Variants in RHEB observed in about 807,000 individuals in gnomAD.
RHEB encodes GTP-binding protein Rheb.
In RHEB, 2 loss-of-function variants were observed where a neutral mutation model predicts 28.8. The observed-to-expected ratio is 0.07, with a 90% CI of 0.03 to 0.22. The LOEUF is 0.22. RHEB is among the 10% of genes least tolerant of loss of function. The pLI is 1.00. For missense variants in RHEB, 76 were observed against 219.9 expected, an observed-to-expected ratio of 0.35 and a Z score of 4.14; for synonymous variants, 69 against 77.3, an observed-to-expected ratio of 0.89 and a Z score of 0.56.
Position 151,503,516 on chromosome 7 carries a change from T to C in RHEB, c.53-12502A>G, listed in dbSNP as rs2150935267. 2.5e-6 allele frequency: 2 copies of C among 785,340 alleles called. 1 individual carries two copies. The highest frequency in any genetic ancestry group is 4.3e-6 in the Non-Finnish European group (2 of 462,740). The allele number at this position is 785,340 out of a possible 1,614,324, so 48.6% of individuals were successfully genotyped here. ...CCTCCAGCATCCAACCCAAGAAGCA[T>C]ACCCATGGTGGAATTCTAACAGATC... On this transcript the variant is annotated intron_variant, in intron 1 of 7. Coordinates refer to ENST00000262187, the MANE Select transcript of RHEB (RefSeq NM_005614.4).
chr7:151,503,870 T>G (rs183813609), intron 1 of RHEB, among the ~76,000 whole-genome samples: 47 of 152,374 alleles, frequency 3.1e-4, no homozygotes, highest in Admixed American at 3.0e-3. Context: ...GTTTTTTTCT[T>G]ATTTTGATTG....
chr7:151,499,861 T>C (rs73478511), intron 1 of RHEB, among the ~76,000 whole-genome samples: 1,678 of 152,248 alleles, frequency 0.011, 31 homozygotes, highest in African/African-American at 0.038. Flanking sequence ...CAGGCTGGAG[T>C]GCAGTAGAGC....
chr7:151,477,464 A>G (rs756029625), intron 3 of RHEB, 49 bp from the exon 4 acceptor site: 2 of 1,099,756 alleles, frequency 1.8e-6, no homozygotes, highest in Admixed American at 2.3e-5. Context: ...TAGCATCACA[A>G]ACAAACTTTA....
At chr7:151,494,731 AACT>A (rs1802645300) in intron 1 of RHEB, among the ~76,000 whole-genome samples, 1 of 152,172 alleles carries the variant, frequency 6.6e-6, no homozygotes, top group South Asian at 2.1e-4. Flanking sequence ...ACTGGAGAAA[AACT>A]ACGTTTCCCT....
chr7:151,503,386 A>T (rs1802807925), intron 1 of RHEB: 1 of 1,043,248 alleles, frequency 9.6e-7, no homozygotes, highest in Non-Finnish European at 1.5e-6. Context: ...AATTGGAGGT[A>T]TCCTGCAGTA....
intron 1 of RHEB, among the ~76,000 whole-genome samples, chr7:151,504,096 T>G (rs957846324): frequency 6.6e-6 from 1 of 152,220 alleles, no homozygotes; most frequent in African/African-American, 2.4e-5. Context: ...GCAAACTGCA[T>G]TGCAAAATCA....
At chr7:151,478,160 G>A (rs1399734390) in intron 3 of RHEB, among the ~76,000 whole-genome samples, 1 of 152,148 alleles carries the variant, frequency 6.6e-6, no homozygotes, top group African/African-American at 2.4e-5. Context: ...AAGTTCTGAT[G>A]TCAGTGCAGT....
At chr7:151,489,174 C>A (rs1216262968) in intron 2 of RHEB, among the ~76,000 whole-genome samples, 1 of 152,220 alleles carries the variant, frequency 6.6e-6, no homozygotes, top group Non-Finnish European at 1.5e-5. Context: ...AGAAAACAAT[C>A]TTCTATTGTT....
In RHEB at chr7:151,477,084, T is replaced by A. The variant is rs114100947; in HGVS notation, c.275+249A>T. 4.7e-3 allele frequency among the ~76,000 whole-genome samples: 709 copies of A among 152,234 alleles called. 4 individuals are homozygous for A. The highest frequency in any genetic ancestry group is 0.016 in the African/African-American group (672 of 41,514). On this transcript the variant is annotated intron_variant, in intron 4 of 7. Transcript: ENST00000262187. Reference sequence around the variant, plus strand: ...ATTTCAATTAGCAGAAAAGCTTAGATCATGCTGAACCACTGTTTTTCTAGG... The same window carrying A: ...ATTTCAATTAGCAGAAAAGCTTAGAACATGCTGAACCACTGTTTTTCTAGG...
At chr7:151,503,122 C>T (rs917363816) in intron 1 of RHEB, 3 of 810,892 alleles carry the variant, frequency 3.7e-6, no homozygotes, top group Non-Finnish European at 6.7e-6. Context: ...TTCTAATGGT[C>T]TATGAAAATC....
At chr7:151,469,038 T>A in intron 7 of RHEB, among the ~76,000 whole-genome samples, 1 of 152,256 alleles carries the variant, frequency 6.6e-6, no homozygotes, top group African/African-American at 2.4e-5. Flanking sequence ...TTAATTCAAT[T>A]TTTAAAATAT....
intron 4 of RHEB, among the ~76,000 whole-genome samples, chr7:151,474,837 G>A (rs1802244937): frequency 6.6e-6 from 1 of 152,146 alleles, no homozygotes; most frequent in African/African-American, 2.4e-5. Flanking sequence ...AGACAATTCT[G>A]ATCAACAAAC....
At chr7:151,515,618 G>T (rs1259117207) in intron 1 of RHEB, among the ~76,000 whole-genome samples, 1 of 152,072 alleles carries the variant, frequency 6.6e-6, no homozygotes, top group Admixed American at 6.6e-5. Flanking sequence ...TTCACATACT[G>T]GTAGATGTCA....
At chr7:151,500,358 C>A (rs1220914810) in intron 1 of RHEB, among the ~76,000 whole-genome samples, 2 of 152,022 alleles carry the variant, frequency 1.3e-5, no homozygotes, top group Admixed American at 1.3e-4. Flanking sequence ...AAAGTATGTA[C>A]CTGGTTTCAA....
chr7:151,496,983 G>T (rs1271481852), intron 1 of RHEB, among the ~76,000 whole-genome samples: 4 of 150,048 alleles, frequency 2.7e-5, no homozygotes, highest in African/African-American at 9.9e-5. Flanking sequence ...TAGAGATGGG[G>T]TTTCACTGTG....
rs2150941290 is a variant in RHEB at position 151,516,696 on chromosome 7, A to T, written c.52+2764T>A. Among the ~76,000 whole-genome samples the T allele has an allele frequency of 2.0e-5, 3 of 152,178 alleles. 1 individual carries two copies. The Middle Eastern group carries it at 0.01, about 518-fold the overall frequency. ...GCACTTTTTTGTTTTATCTGAAGAC[A>T]ACTTTAAAAATAAAGTTTGTGGCAT... On this transcript the variant is annotated intron_variant, in intron 1 of 7. Coordinates refer to ENST00000262187, the MANE Select transcript of RHEB (RefSeq NM_005614.4).
At chr7:151,494,395 A>G (rs1802640185) in intron 1 of RHEB, among the ~76,000 whole-genome samples, 1 of 152,240 alleles carries the variant, frequency 6.6e-6, no homozygotes, top group Non-Finnish European at 1.5e-5. Flanking sequence ...CCACATTTGA[A>G]CAGAAAAGAA....
At chr7:151,517,271 G>C (rs1803097823) in intron 1 of RHEB, among the ~76,000 whole-genome samples, 1 of 151,832 alleles carries the variant, frequency 6.6e-6, no homozygotes. Flanking sequence ...TGGAGGCTGA[G>C]GCAGGAGAAT....
At chr7:151,518,208 A>T (rs1803115717) in intron 1 of RHEB, 1 of 152,258 alleles carries the variant, frequency 6.6e-6, no homozygotes, top group Non-Finnish European at 1.5e-5. Context: ...TTCAGCCCTT[A>T]ATTTCCCCCC....
Sources: gnomAD v4.1 joint callset for allele counts (sites outside exome capture counted in the v4.1 genomes callset) on GRCh38, gnomAD v4.1.1 for gene constraint, MANE v1.5 for transcripts, NCBI Gene and HGNC (gene_info 2026-07-23, HGNC 2026-07-21) for gene names.